The following DNAH6 variants were observed in gnomAD, a reference collection of about 807,000 sequenced individuals.
The protein encoded by DNAH6 is axonemal beta dynein heavy chain 6.
A neutral mutation model predicts 491.4 loss-of-function variants in DNAH6; 340 were observed. The observed-to-expected ratio is 0.69, with a 90% CI of 0.63 to 0.76. The LOEUF is 0.76. Ranked by LOEUF, DNAH6 falls within the 30% of genes least tolerant of loss-of-function variation. The probability of loss-of-function intolerance (pLI) is 0.00; values close to 1 mark genes in which losing one functional copy is unlikely to be tolerated. For missense variants in DNAH6, 4,443 were observed against 4,972.2 expected, an observed-to-expected ratio of 0.89 and a Z score of 3.20; for synonymous variants, 1,603 against 1,686.1, an observed-to-expected ratio of 0.95 and a Z score of 1.21.
chr2:84,807,943 T>C (rs1679580380), intron 71 of DNAH6, among the ~76,000 whole-genome samples: 1 of 152,144 alleles, frequency 6.6e-6, no homozygotes, highest in Admixed American at 6.5e-5. Context: ...CCAGTCCTCC[T>C]TCTACATTAG....
chr2:84,588,461 A>G (rs1683776785), intron 15 of DNAH6, among the ~76,000 whole-genome samples: 2 of 152,146 alleles, frequency 1.3e-5, no homozygotes, highest in South Asian at 4.1e-4. Flanking sequence ...CCATTCCTTT[A>G]TTGTAAAGTG....
At chr2:84,466,056 C>T in the DNAH6 span, among the ~76,000 whole-genome samples, 1 of 152,186 alleles carries the variant, frequency 6.6e-6, no homozygotes, top group Non-Finnish European at 1.5e-5. Flanking sequence ...TTTTTATCCT[C>T]AAATACCTAT....
At chr2:84,781,364 C>A in intron 64 of DNAH6, 129 bp from the exon 65 acceptor site, 1 of 797,044 alleles carries the variant, frequency 1.3e-6, no homozygotes. Flanking sequence ...CATACTTGTA[C>A]TCCTATTGGA....
In DNAH6 at chr2:84,605,402, G is replaced by T. The variant is rs994449091; in HGVS notation, c.3082-98G>T. On this transcript the variant is annotated intron_variant, in intron 19 of 76. Coordinates refer to ENST00000389394, the MANE Select transcript of DNAH6 (RefSeq NM_001370.2). The stretch of plus-strand genomic sequence containing the variant: ...TAGAGAGCAATAAGGAGGAAAATGG[G>T]ATAATTATGGAGTTTTTATTTATTT... The T allele has an allele frequency of 1.7e-5, 14 of 819,890 alleles. No homozygotes were observed. The African/African-American group carries it at 2.5e-4, about 15-fold the overall frequency. The allele number at this position is 819,890 out of a possible 1,614,324, so 50.8% of individuals were successfully genotyped here.
In DNAH6 at chr2:84,808,481, C is replaced by T. The variant is rs1236879217; in HGVS notation, c.11678C>T (p.Ser3893Phe). The T allele has an allele frequency of 1.3e-6, 2 of 1,551,434 alleles. No individual in the cohort carries two copies. Among genetic ancestry groups the T allele is most frequent in the South Asian group, 1.2e-5 (1 of 83,850 alleles). ...AAGGATCTTCAAGGACGTCTGAACT[C>T]CTTGACCACCGTTCTTGGACAGGAA... ...FVKDLQGRLNSLTTVLGQEVD... is the reference protein window; with the variant it reads ...FVKDLQGRLNFLTTVLGQEVD... The change falls in exon 72 of 77, where the codon TCC (serine) becomes TTC (phenylalanine). Residue 3893 changes from serine to phenylalanine, a missense_variant. Physicochemically the swap from Ser to Phe is radical, Grantham distance 155. Transcript: ENST00000389394.
intron 49 of DNAH6, 80 bp downstream of exon 49, chr2:84,701,419 G>A: frequency 7.2e-7 from 1 of 1,389,528 alleles, no homozygotes; most frequent in South Asian, 1.4e-5. Flanking sequence ...TCTATGCACT[G>A]TCTTACCTGT....
chr2:84,611,721 T>G lies in DNAH6; in HGVS notation c.3342T>G (p.Ile1114Met). The part of the protein sequence containing the change: ...CQRNWLYLES[I>M]FNAPDIQRQL... ...GAAACTGGCTCTACCTAGAAAGTAT[T>G]TTCAATGCTCCAGACATTCAGAGGC... The change falls in exon 22 of 77, where the codon ATT (isoleucine) becomes ATG (methionine). Residue 1114 changes from isoleucine to methionine, a missense_variant. Transcript: ENST00000389394. The G allele has an allele frequency of 6.4e-7, 1 of 1,551,120 alleles. No individual in the cohort carries two copies. Among genetic ancestry groups the G allele is most frequent in the Non-Finnish European group, 8.7e-7 (1 of 1,146,594 alleles).
Position 84,785,638 on chromosome 2 carries a change from G to T in DNAH6, c.10982G>T (p.Arg3661Leu). The T allele has an allele frequency of 6.5e-7, 1 of 1,544,754 alleles. No homozygotes were observed. The highest frequency in any genetic ancestry group is 1.2e-5 in the South Asian group (1 of 82,178). ...ACCAATGAGCCTCCAAAAGGCTTACGTGCAAATATCAGACGAGCATTTACT... is the reference window on the plus strand; with the variant it reads ...ACCAATGAGCCTCCAAAAGGCTTACTTGCAAATATCAGACGAGCATTTACT... The part of the protein sequence containing the change: ...KVTNEPPKGL[R>L]ANIRRAFTEM... The change falls in exon 67 of 77, where the codon CGT (arginine) becomes CTT (leucine). Residue 3661 changes from arginine (R) to leucine (L), a missense_variant. Physicochemically the swap from Arg to Leu is moderately radical, Grantham distance 102 (BLOSUM62 -2). Transcript: ENST00000389394.
chr2:84,579,350 TG>T (rs2103994764), intron 13 of DNAH6, among the ~76,000 whole-genome samples, 176 bp from the exon 14 acceptor site: 1 of 152,364 alleles, frequency 6.6e-6, no homozygotes, highest in East Asian at 1.9e-4. Flanking sequence ...CTTCAAAACC[TG>T]GCCTTCCTGT....
At chr2:84,510,625 G>A in the DNAH6 span, among the ~76,000 whole-genome samples, 36 of 152,280 alleles carry the variant, frequency 2.4e-4, no homozygotes, top group East Asian at 1.9e-3. Context: ...GAGGATCTGC[G>A]TTCCTTTGGA....
intron 11 of DNAH6, among the ~76,000 whole-genome samples, chr2:84,567,223 C>G (rs1277893135): frequency 6.6e-6 from 1 of 151,878 alleles, no homozygotes; most frequent in Non-Finnish European, 1.5e-5. Flanking sequence ...GCTAATATTT[C>G]CAATACTAGA....
At chr2:84,510,540 T>C in the DNAH6 span, among the ~76,000 whole-genome samples, 3 of 151,912 alleles carry the variant, frequency 2.0e-5, no homozygotes, top group Non-Finnish European at 4.4e-5. Context: ...TAGCTCGGAG[T>C]AGTTTGATCG....
At chr2:84,731,938 C>T (rs549949169) in intron 61 of DNAH6, among the ~76,000 whole-genome samples, 1 of 152,192 alleles carries the variant, frequency 6.6e-6, no homozygotes, top group South Asian at 2.1e-4. Flanking sequence ...AGCAATCAGC[C>T]CACAATTAGT....
At position 84,704,058 on chromosome 2, in the gene DNAH6, A is replaced by C. The variant is rs1318684387; in HGVS notation, c.8230-9A>C. ...GAGGCCACTTAAGCAGTCATGTTTCAATGGTTAGGTCCGTAACACTGTGCA... is the reference window on the plus strand; with the variant it reads ...GAGGCCACTTAAGCAGTCATGTTTCCATGGTTAGGTCCGTAACACTGTGCA... On this transcript the variant is annotated splice_polypyrimidine_tract_variant and intron_variant, in intron 50 of 76. Coordinates refer to ENST00000389394, the MANE Select transcript of DNAH6 (RefSeq NM_001370.2). 6.5e-7 allele frequency: 1 copy of C among 1,548,142 alleles called. No individual in the cohort carries two copies. The highest frequency in any genetic ancestry group is 8.7e-7 in the Non-Finnish European group (1 of 1,144,978).
intron 40 of DNAH6, among the ~76,000 whole-genome samples, chr2:84,675,261 T>A (rs1466135392): frequency 6.6e-6 from 1 of 152,154 alleles, no homozygotes; most frequent in African/African-American, 2.4e-5. Flanking sequence ...GCTCCTGACC[T>A]CCATCTCCCT....
the DNAH6 span, among the ~76,000 whole-genome samples, chr2:84,508,659 A>G: frequency 2.0e-5 from 3 of 152,062 alleles, no homozygotes; most frequent in Admixed American, 6.5e-5. Context: ...TTGTGATGTT[A>G]GGGTGTCAAT....
chr2:84,810,523 C>T lies in DNAH6; in HGVS notation c.11740-1818C>T, dbSNP rs781293016. On this transcript the variant is annotated intron_variant, in intron 72 of 76. Coordinates refer to ENST00000389394, the MANE Select transcript of DNAH6 (RefSeq NM_001370.2). ...CCCATCAGAAGGGAGGTGCTCACCA[C>T]GGCATGCTGTAATTGCCAGAGGCCT... Among the ~76,000 whole-genome samples the T allele has an allele frequency of 3.3e-5, 5 of 152,226 alleles. No homozygotes were observed. In the East Asian group the frequency reaches 5.8e-4, roughly 18 times the overall value.
Position 84,544,423 on chromosome 2 carries a change from T to A in DNAH6, c.853T>A (p.Trp285Arg). The change falls in exon 5 of 77, where the codon TGG becomes AGG. Residue 285 changes from tryptophan (W) to arginine (R), a missense_variant. Trp to Arg is a moderately radical substitution (Grantham distance 101). This residue lies in a region of DNAH6 where 2,977 missense variants were observed against 3,296.6 expected (regional missense o/e 0.90). Transcript: ENST00000389394. Reference sequence around the variant, plus strand: ...CCGGAAATGGAAGGCTTTTAGTGTATGGAGGAAGAATGTCCGCTCCAAGAA... The same window carrying A: ...CCGGAAATGGAAGGCTTTTAGTGTAAGGAGGAAGAATGTCCGCTCCAAGAA... ...LFRKWKAFSVWRKNVRSKKIT... is the reference protein window; with the variant it reads ...LFRKWKAFSVRRKNVRSKKIT... The A allele has an allele frequency of 1.3e-6, 2 of 1,541,852 alleles. No individual in the cohort carries two copies. Among genetic ancestry groups the A allele is most frequent in the Non-Finnish European group, 1.8e-6 (2 of 1,138,276 alleles).
Position 84,694,431 on chromosome 2 carries a change from T to C in DNAH6, c.7475T>C (p.Met2492Thr). Residue 2492 changes from methionine (M) to threonine (T), a missense_variant, in exon 46 of 77, where the codon ATG becomes ACG. By Grantham distance (81) the Met-to-Thr change is moderately conservative. Around this residue, in one of 3 missense-constraint regions of DNAH6, gnomAD observed 2,977 missense variants for 3,296.6 expected, o/e 0.90. Coordinates refer to ENST00000389394, the MANE Select transcript of DNAH6 (RefSeq NM_001370.2). ...GAAGACCTGAGGAAGTTGTACAAAA[T>C]GGCTGGTGTAGAAGACAAGAATATG... ...FHEDLRKLYK[M>T]AGVEDKNMVF... The C allele has an allele frequency of 6.4e-7, 1 of 1,552,118 alleles. No homozygotes were observed.
Sources: gnomAD v4.1 joint callset for allele counts (sites outside exome capture counted in the v4.1 genomes callset) on GRCh38, gnomAD v4.1.1 for gene constraint, gnomAD v4.1.1 regional missense constraint, MANE v1.5 for transcripts, NCBI Gene and HGNC (gene_info 2026-07-23, HGNC 2026-07-21) for gene names.